Variants in OR56A3 observed in about 807,000 individuals in gnomAD.
The protein encoded by OR56A3 is olfactory receptor 56A3.
Under a neutral mutation model 17.5 loss-of-function variants are expected in OR56A3, and 23 were observed. That is an observed-to-expected ratio of 1.32 (90% CI 0.95 to 1.87). The LOEUF is 1.87. OR56A3 is among the 40% of genes most tolerant of loss of function. The pLI is 0.00. For synonymous variants in OR56A3, 175 were observed against 150.6 expected (o/e 1.16, Z -1.19); for missense variants, 366 against 380.1 (o/e 0.96, Z 0.31).
the OR56A3 span, among the ~76,000 whole-genome samples, chr11:5,976,523 T>G: frequency 6.6e-6 from 1 of 152,178 alleles, no homozygotes; most frequent in African/African-American, 2.4e-5. Flanking sequence ...ACTATCCTTC[T>G]AATATCTAGT....
At chr11:5,954,852 C>A (rs1312685896), downstream of OR56A3, among the ~76,000 whole-genome samples, 8 of 152,076 alleles carry the variant, frequency 5.3e-5, no homozygotes, top group African/African-American at 1.9e-4. Context: ...GCATAAAAGT[C>A]TTCCCAAGTT....
At chr11:5,966,350 G>C in the OR56A3 span, among the ~76,000 whole-genome samples, 1 of 151,976 alleles carries the variant, frequency 6.6e-6, no homozygotes, top group African/African-American at 2.4e-5. Context: ...CTCCAGCCTG[G>C]GCGATAGAGT....
At chr11:5,968,141 G>A in the OR56A3 span, 1 of 1,614,218 alleles carries the variant, frequency 6.2e-7, no homozygotes, top group Admixed American at 1.7e-5. Flanking sequence ...CCATGATCAT[G>A]AATGTGCAGG....
chr11:5,966,897 C>T, the OR56A3 span, among the ~76,000 whole-genome samples: 1 of 149,634 alleles, frequency 6.7e-6, no homozygotes, highest in East Asian at 1.9e-4. Flanking sequence ...TAAAGCAACA[C>T]ACACACACAC....
At chr11:5,956,895 G>T in the OR56A3 span, among the ~76,000 whole-genome samples, 1 of 152,156 alleles carries the variant, frequency 6.6e-6, no homozygotes, top group African/African-American at 2.4e-5. Flanking sequence ...GGTGTCTCAC[G>T]CCTGTAATCC....
chr11:5,994,026 G>C, the OR56A3 span: 3 of 468,106 alleles, frequency 6.4e-6, no homozygotes, highest in Non-Finnish European at 1.3e-5. Context: ...CCAGCAGGCT[G>C]CAGTAGGTGG....
chr11:5,998,951 A>C, the OR56A3 span, among the ~76,000 whole-genome samples: 7 of 152,228 alleles, frequency 4.6e-5, no homozygotes, highest in Non-Finnish European at 7.3e-5. Flanking sequence ...GTGGCATTGG[A>C]AGCCTGGTAG....
chr11:5,986,069 G>T, the OR56A3 span: 1 of 1,613,942 alleles, frequency 6.2e-7, no homozygotes. Context: ...TGGACATGAT[G>T]GGGTACATGA....
chr11:6,013,561 G>A, the OR56A3 span, among the ~76,000 whole-genome samples: 1 of 152,146 alleles, frequency 6.6e-6, no homozygotes. Context: ...GGTGGGCATG[G>A]CACCCTGAGT....
chr11:5,987,123 TAG>T, the OR56A3 span: 2 of 612,420 alleles, frequency 3.3e-6, no homozygotes, highest in Admixed American at 5.9e-5. Flanking sequence ...TAGTTTTGTT[TAG>T]AGATAAGAGT....
chr11:6,002,594 C>G, the OR56A3 span: 2 of 1,614,236 alleles, frequency 1.2e-6, no homozygotes, highest in Non-Finnish European at 1.7e-6. Context: ...ACGGGTATCT[C>G]AATGGATGGC....
At chr11:5,966,502 A>G in the OR56A3 span, among the ~76,000 whole-genome samples, 23 of 152,226 alleles carry the variant, frequency 1.5e-4, no homozygotes, top group African/African-American at 5.5e-4. Flanking sequence ...GAAGTGCTCT[A>G]TTACTAACCA....
the OR56A3 span, among the ~76,000 whole-genome samples, chr11:6,004,354 GA>G: frequency 6.6e-6 from 1 of 150,972 alleles, no homozygotes; most frequent in Admixed American, 6.6e-5. Context: ...CTCCATCTCA[GA>G]AAAAAAAGAA....
At chr11:5,944,392 G>C (rs373145699) in intron 1 of OR56A3, among the ~76,000 whole-genome samples, 1 of 152,232 alleles carries the variant, frequency 6.6e-6, no homozygotes, top group East Asian at 1.9e-4. Flanking sequence ...GGAGTTGCAA[G>C]AGGAAGGAAG....
chr11:5,993,994 A>T, the OR56A3 span: 1 of 452,286 alleles, frequency 2.2e-6, no homozygotes. Context: ...GCAACAACCA[A>T]GATTGAAATC....
At chr11:6,004,598 A>C in the OR56A3 span, among the ~76,000 whole-genome samples, 2 of 152,202 alleles carry the variant, frequency 1.3e-5, no homozygotes, top group African/African-American at 4.8e-5. Flanking sequence ...TATTTAAAAA[A>C]ATTTACCCAT....
At chr11:5,973,629 C>T in the OR56A3 span, among the ~76,000 whole-genome samples, 1 of 151,890 alleles carries the variant, frequency 6.6e-6, no homozygotes, top group Admixed American at 6.5e-5. Flanking sequence ...TTTTCCTTCA[C>T]CTCCTAGGTC....
At chr11:5,993,656 A>G in the OR56A3 span, among the ~76,000 whole-genome samples, 1 of 152,246 alleles carries the variant, frequency 6.6e-6, no homozygotes, top group Non-Finnish European at 1.5e-5. Flanking sequence ...TATAATGACT[A>G]TAAGAGAAAT....
the OR56A3 span, among the ~76,000 whole-genome samples, chr11:5,979,093 T>A: frequency 3.3e-5 from 5 of 152,004 alleles, no homozygotes; most frequent in Non-Finnish European, 7.4e-5. Context: ...AGCTTTTTGA[T>A]GTGCTGCTGG....
Sources: allele counts gnomAD v4.1 joint callset (sites outside exome capture counted in the v4.1 genomes callset), GRCh38; gene constraint gnomAD v4.1.1; transcripts MANE v1.5; gene names NCBI Gene and HGNC (gene_info 2026-07-23, HGNC 2026-07-21).